CSMD2: variants seen among roughly 807,000 people sequenced by gnomAD.
CSMD2 encodes the protein CUB and Sushi multiple domains 2, also known as CUB and sushi domain-containing protein 2.
In CSMD2, 130 loss-of-function variants were observed where a neutral mutation model predicts 398.5. The observed-to-expected ratio is 0.33, with a 90% confidence interval of 0.28 to 0.38. CSMD2 has a LOEUF of 0.38. Among genes scored for constraint, CSMD2 ranks in the 10% least tolerant of loss-of-function variants. CSMD2 has a pLI of 1.00. For missense variants in CSMD2, 3,829 were observed against 4,764.9 expected (o/e 0.80, Z 5.78); for synonymous variants, 1,828 against 1,908.5 (o/e 0.96, Z 1.10).
chr1:34,115,714 TAATTC>T (rs1396265578), intron 1 of CSMD2, among the ~76,000 whole-genome samples: 26 of 152,132 alleles, frequency 1.7e-4, no homozygotes. Context: ...TAAATCATTT[TAATTC>T]TAGTATAAAA....
At chr1:33,933,877 TGAG>T (rs1427417532) in intron 4 of CSMD2, among the ~76,000 whole-genome samples, 1 of 151,652 alleles carries the variant, frequency 6.6e-6, no homozygotes, top group African/African-American at 2.4e-5. Flanking sequence ...TTCTATTGGT[TGAG>T]GAGAGGTAAA....
At chr1:33,580,929 C>T in intron 47 of CSMD2, 30 bp from the exon 48 acceptor site, 1 of 1,609,674 alleles carries the variant, frequency 6.2e-7, no homozygotes. Flanking sequence ...GGATTACAGA[C>T]CATGGGAGCC....
chr1:33,700,441 CA>C, intron 23 of CSMD2, 75 bp downstream of exon 23: 1 of 1,507,402 alleles, frequency 6.6e-7, no homozygotes, highest in Non-Finnish European at 9.1e-7. Flanking sequence ...ATCTCGTGAG[CA>C]AGCAGAAGCT....
chr1:33,710,951 T>C (rs1645966933), intron 21 of CSMD2, among the ~76,000 whole-genome samples: 1 of 152,230 alleles, frequency 6.6e-6, no homozygotes, highest in African/African-American at 2.4e-5. Context: ...CCTAAGACTT[T>C]ATATATGGCC....
intron 16 of CSMD2, among the ~76,000 whole-genome samples, chr1:33,725,938 A>T (rs200688362): frequency 6.6e-6 from 1 of 151,808 alleles, no homozygotes; most frequent in African/African-American, 2.4e-5. Flanking sequence ...AAAAAAAAAA[A>T]GGCAAAGCAG....
At chr1:33,589,113 G>A (rs907913591) in intron 44 of CSMD2, among the ~76,000 whole-genome samples, 18 of 152,240 alleles carry the variant, frequency 1.2e-4, no homozygotes, top group African/African-American at 4.1e-4. Context: ...TCTATGAAAT[G>A]TGGGTGTTAA....
chr1:33,935,729 C>A, intron 4 of CSMD2, 31 bp downstream of exon 4: 1 of 1,567,504 alleles, frequency 6.4e-7, no homozygotes, highest in South Asian at 1.2e-5. Context: ...GCCACTGCCC[C>A]ACTCTGTCAG....
rs762048108 is a variant in CSMD2, at chr1:33,716,446, G to A, written c.3057C>T (p.Leu1019=). ...FHLESGHDYL[L]ITENGSFTQP... is the part of the protein sequence containing the mutation. ...GGGTGAAGCTGCCGTTCTCAGTGAT[G>A]AGGAGGTAGTCATGGCCACTTTCCA... The change falls in exon 20 of 71, where the codon CTC becomes CTT. Residue 1019 remains leucine, a synonymous_variant. Transcript: ENST00000373381. The A allele has an allele frequency of 1.2e-6, 2 of 1,613,892 alleles. No individual in the cohort carries two copies. The highest frequency in any genetic ancestry group is 1.3e-5 in the African/African-American group (1 of 74,918).
intron 29 of CSMD2, among the ~76,000 whole-genome samples, chr1:33,639,108 T>C (rs1419544258): frequency 6.6e-6 from 1 of 152,210 alleles, no homozygotes; most frequent in African/African-American, 2.4e-5. Flanking sequence ...CTTTCCTCCT[T>C]CTCTCAGTCT....
chr1:33,826,506 G>C (rs977182028), intron 6 of CSMD2, among the ~76,000 whole-genome samples: 3 of 152,214 alleles, frequency 2.0e-5, no homozygotes, highest in Non-Finnish European at 4.4e-5. Context: ...GCCAAGCCAA[G>C]CCCAGCCTAC....
chr1:33,790,111 A>C (rs1166565636), intron 11 of CSMD2, among the ~76,000 whole-genome samples: 1 of 152,220 alleles, frequency 6.6e-6, no homozygotes, highest in African/African-American at 2.4e-5. Context: ...TCTTGGGCAC[A>C]AAGAGCTGAG....
intron 1 of CSMD2, among the ~76,000 whole-genome samples, chr1:34,091,751 G>C (rs1266275329): frequency 1.3e-5 from 2 of 152,098 alleles, no homozygotes; most frequent in Non-Finnish European, 2.9e-5. Context: ...CTAGGAAAAA[G>C]AATATTTCCT....
chr1:34,081,645 C>G (rs571724992), intron 2 of CSMD2, among the ~76,000 whole-genome samples: 32 of 152,314 alleles, frequency 2.1e-4, no homozygotes, highest in African/African-American at 7.0e-4. Flanking sequence ...GTCTCCAGCT[C>G]CTGACCTCGA....
At chr1:33,912,373 C>A (rs369379891) in intron 5 of CSMD2, among the ~76,000 whole-genome samples, 14 of 151,926 alleles carry the variant, frequency 9.2e-5, no homozygotes, top group African/African-American at 9.7e-5. Flanking sequence ...AGAAATCCCA[C>A]GGGTGGAAAG....
chr1:33,852,752 C>G (rs181401136), intron 5 of CSMD2, among the ~76,000 whole-genome samples: 108 of 152,346 alleles, frequency 7.1e-4, no homozygotes, highest in Middle Eastern at 3.4e-3. Context: ...AGCACAGTGC[C>G]TGGCACACAG....
chr1:34,076,880 T>C (rs1656389406), intron 2 of CSMD2, among the ~76,000 whole-genome samples: 1 of 124,382 alleles, frequency 8.0e-6, no homozygotes, highest in Non-Finnish European at 1.6e-5. Flanking sequence ...CTGGTGTATA[T>C]TCCACTGTAT....
intron 53 of CSMD2, among the ~76,000 whole-genome samples, chr1:33,560,661 C>T (rs965616969): frequency 6.6e-6 from 1 of 152,258 alleles, no homozygotes; most frequent in African/African-American, 2.4e-5. Context: ...ATGGCCAGTA[C>T]TGCCAGGTCC....
intron 9 of CSMD2, among the ~76,000 whole-genome samples, chr1:33,811,484 C>G (rs1656863812): frequency 6.6e-6 from 1 of 152,134 alleles, no homozygotes; most frequent in African/African-American, 2.4e-5. Context: ...AGAGCTCTGC[C>G]AAGGCCCCTG....
At position 33,518,992 on chromosome 1, in the gene CSMD2, T is replaced by C. The variant is rs1361430737; in HGVS notation, c.*53+473A>G. Among the ~76,000 whole-genome samples the C allele has an allele frequency of 6.6e-6, 1 of 152,200 alleles. No individual in the cohort carries two copies. The highest frequency in any genetic ancestry group is 1.5e-5 in the Non-Finnish European group (1 of 68,038). ...CAATATACCTATATACACAGATATA[T>C]GTGCATCTCTGTATAGCTCTACAGA... On this transcript the variant is annotated intron_variant, in intron 70 of 70. Transcript: ENST00000373381. This position sits in a 1 kb window ranked among gnomAD's most constrained non-coding sequence, Gnocchi z 4.3.
Sources: allele counts gnomAD v4.1 joint callset (sites outside exome capture counted in the v4.1 genomes callset), GRCh38; gene constraint gnomAD v4.1.1; non-coding constraint Gnocchi (gnomAD v3.1); transcripts MANE v1.5; gene names NCBI Gene and HGNC (gene_info 2026-07-23, HGNC 2026-07-21).